MYO5B: variants seen among roughly 807,000 people sequenced by gnomAD.
MYO5B encodes myosin VB.
In MYO5B, 143 loss-of-function variants were observed where a neutral mutation model predicts 229.3. That is an observed-to-expected ratio of 0.62 (90% CI 0.54 to 0.72). The LOEUF is 0.72. Ranked by LOEUF, MYO5B falls within the 30% of genes least tolerant of loss-of-function variation. The pLI is 0.00. For synonymous variants in MYO5B, 918 were observed against 885.2 expected, an observed-to-expected ratio of 1.04 and a Z score of -0.66; for missense variants, 2,321 against 2,331.0, an observed-to-expected ratio of 1.00 and a Z score of 0.09.
intron 14 of MYO5B, among the ~76,000 whole-genome samples, chr18:49,949,331 G>GAAA (rs11420664): frequency 5.3e-5 from 5 of 95,124 alleles, no homozygotes; most frequent in Non-Finnish European, 1.0e-4. Flanking sequence ...TGGAAAACTG[G>GAAA]AAAAAAAAAA....
At chr18:50,087,912 A>C (rs2031366448) in intron 1 of MYO5B, among the ~76,000 whole-genome samples, 1 of 152,188 alleles carries the variant, frequency 6.6e-6, no homozygotes, top group African/African-American at 2.4e-5. Flanking sequence ...TGTGAGGAAG[A>C]GAGTATTAAG....
At position 50,164,507 on chromosome 18, in the gene MYO5B, T is replaced by C. The variant is rs556671393; in HGVS notation, c.27+30260A>G. ...AGGGAAATGCCCCCTTGATAAGGTA[T>C]TCACATACATTATTTGGAATCTGTG... is the stretch of plus-strand genomic sequence containing the variant. On this transcript the variant is annotated intron_variant, in intron 1 of 39. Coordinates refer to ENST00000285039, the MANE Select transcript of MYO5B (RefSeq NM_001080467.3). Among the ~76,000 whole-genome samples the C allele has an allele frequency of 5.3e-5, 8 of 152,352 alleles. No homozygotes were observed. In the South Asian group the frequency reaches 6.2e-4, roughly 12 times the overall value.
chr18:49,893,491 T>C (rs1656470396), intron 22 of MYO5B, among the ~76,000 whole-genome samples: 1 of 152,126 alleles, frequency 6.6e-6, no homozygotes, highest in Non-Finnish European at 1.5e-5. Flanking sequence ...TAACAGGAGT[T>C]TCCAAGCACC....
intron 5 of MYO5B, among the ~76,000 whole-genome samples, chr18:49,993,327 A>G (rs1225205071): frequency 6.6e-6 from 1 of 151,886 alleles, no homozygotes; most frequent in Non-Finnish European, 1.5e-5. Context: ...AGTCCTGCCC[A>G]GCCCAATACA....
intron 4 of MYO5B, among the ~76,000 whole-genome samples, chr18:50,025,898 C>T (rs1215489420): frequency 1.3e-5 from 2 of 152,160 alleles, no homozygotes; most frequent in South Asian, 2.1e-4. Flanking sequence ...ACATGCATCC[C>T]TATCAATAAA....
intron 17 of MYO5B, among the ~76,000 whole-genome samples, chr18:49,928,371 T>A (rs1485016286): frequency 2.0e-5 from 3 of 152,184 alleles, no homozygotes; most frequent in Non-Finnish European, 4.4e-5. Context: ...GGGCCAGGCA[T>A]GGTGGCTCAC....
At chr18:50,043,476 TATATAA>T (rs905616854) in intron 2 of MYO5B, among the ~76,000 whole-genome samples, 5 of 86,404 alleles carry the variant, frequency 5.8e-5, no homozygotes, top group African/African-American at 2.2e-4. Context: ...TATATTTACA[TATATAA>T]ATATATTTTT....
chr18:50,093,304 C>T (rs2144491502), intron 1 of MYO5B, among the ~76,000 whole-genome samples: 1 of 152,130 alleles, frequency 6.6e-6, no homozygotes, highest in East Asian at 1.9e-4. Flanking sequence ...GTTGACAAAA[C>T]TGCAGAATGG....
chr18:50,124,601 A>G (rs2032126754), intron 1 of MYO5B, among the ~76,000 whole-genome samples: 1 of 152,232 alleles, frequency 6.6e-6, no homozygotes, highest in African/African-American at 2.4e-5. Context: ...AATGCTTTGG[A>G]ACCAGAAGGA....
At position 50,086,610 on chromosome 18, in the gene MYO5B, G is replaced by A. The variant is rs545311587; in HGVS notation, c.28-31232C>T. On this transcript the variant is annotated intron_variant, in intron 1 of 39. Transcript: ENST00000285039. ...GTGTACCATACACTGTGCAGGCACT[G>A]GAGACACGGAGAAATTATATAACCC... 2.6e-5 allele frequency among the ~76,000 whole-genome samples: 4 copies of A among 152,322 alleles called. No individual in the cohort carries two copies. In the East Asian group the frequency reaches 7.7e-4, roughly 29 times the overall value.
At chr18:50,154,450 G>A (rs1048371233) in intron 1 of MYO5B, among the ~76,000 whole-genome samples, 1 of 152,116 alleles carries the variant, frequency 6.6e-6, no homozygotes, top group Non-Finnish European at 1.5e-5. Flanking sequence ...TACGGGATTT[G>A]TCTAAGCCTA....
At chr18:49,875,363 T>A (rs1205014026) in intron 26 of MYO5B, among the ~76,000 whole-genome samples, 3 of 152,188 alleles carry the variant, frequency 2.0e-5, no homozygotes, top group African/African-American at 7.2e-5. Flanking sequence ...ATTTGACTTC[T>A]GCTGTATTTA....
At chr18:50,018,017 G>C (rs1418031134) in intron 4 of MYO5B, among the ~76,000 whole-genome samples, 1 of 152,170 alleles carries the variant, frequency 6.6e-6, no homozygotes, top group Non-Finnish European at 1.5e-5. Flanking sequence ...TCAAATATGA[G>C]TTAAATGGGT....
chr18:50,036,749 C>G, intron 4 of MYO5B, 101 bp downstream of exon 4: 3 of 1,403,558 alleles, frequency 2.1e-6, no homozygotes, highest in Non-Finnish European at 3.0e-6. Context: ...CAGTCCCAAT[C>G]TCACCACCTC....
intron 1 of MYO5B, among the ~76,000 whole-genome samples, chr18:50,128,363 G>A (rs1420291105): frequency 6.6e-6 from 1 of 152,196 alleles, no homozygotes; most frequent in Non-Finnish European, 1.5e-5. Context: ...CAGCTGATCT[G>A]AGAACAGCTG....
chr18:49,927,464 A>C (rs763378378), intron 17 of MYO5B, among the ~76,000 whole-genome samples: 2 of 152,130 alleles, frequency 1.3e-5, no homozygotes, highest in Non-Finnish European at 2.9e-5. Flanking sequence ...ACAAAACCCA[A>C]ATCTGGACAC....
intron 8 of MYO5B, among the ~76,000 whole-genome samples, chr18:49,983,604 G>C (rs1051913694): frequency 9.2e-5 from 14 of 152,186 alleles, no homozygotes; most frequent in African/African-American, 3.1e-4. Context: ...TTTTGTACCT[G>C]CTACTTCTGG....
chr18:50,044,902 A>T (rs1052519474), intron 2 of MYO5B, among the ~76,000 whole-genome samples: 1 of 151,504 alleles, frequency 6.6e-6, no homozygotes, highest in Non-Finnish European at 1.5e-5. Context: ...AGGAGGGGGG[A>T]AAAAGGAGGG....
intron 1 of MYO5B, among the ~76,000 whole-genome samples, chr18:50,103,280 C>T (rs531361084): frequency 6.6e-6 from 1 of 152,326 alleles, no homozygotes; most frequent in South Asian, 2.1e-4. Flanking sequence ...CCATTTCCAA[C>T]CAGTTTTGTG....
Sources: gnomAD v4.1 joint callset for allele counts (sites outside exome capture counted in the v4.1 genomes callset) on GRCh38, gnomAD v4.1.1 for gene constraint, MANE v1.5 for transcripts, NCBI Gene and HGNC (gene_info 2026-07-23, HGNC 2026-07-21) for gene names.